SLC36A2: variants seen among roughly 807,000 people sequenced by gnomAD.
The protein encoded by SLC36A2 is proton-coupled amino acid transporter 2.
A neutral mutation model predicts 42.7 loss-of-function variants in SLC36A2; 39 were observed. The observed-to-expected ratio is 0.91, with a 90% confidence interval of 0.71 to 1.19. The LOEUF is 1.19. SLC36A2 is among the 50% of genes most tolerant of loss of function. The pLI is 0.00. For missense variants in SLC36A2, 590 were observed against 613.7 expected (o/e 0.96, Z 0.41); for synonymous variants, 237 against 240.8 (o/e 0.98, Z 0.15).
At chr5:151,319,282 C>CAGACAGATCAAGGAAT in intron 9 of SLC36A2, 1 of 195,504 alleles carries the variant, frequency 5.1e-6, no homozygotes, top group Non-Finnish European at 9.3e-6. Context: ...GGGCAAATTC[C>CAGACAGATCAAGGAAT]TTGATCTGTC....
chr5:151,333,383 G>A, intron 6 of SLC36A2, 61 bp from the exon 7 acceptor site: 3 of 1,401,260 alleles, frequency 2.1e-6, no homozygotes, highest in Non-Finnish European at 3.0e-6. Flanking sequence ...GCTCCTTTAA[G>A]AGAAGGGTAC....
chr5:151,323,289 G>A (rs114845189), intron 8 of SLC36A2, among the ~76,000 whole-genome samples: 1,722 of 110,732 alleles, frequency 0.016, 31 homozygotes, highest in African/African-American at 0.05. Flanking sequence ...ATAAATAAAT[G>A]GGTGTGTGTG....
intron 9 of SLC36A2, 64 bp downstream of exon 9, chr5:151,321,982 T>G: frequency 1.2e-6 from 2 of 1,604,250 alleles, no homozygotes; most frequent in Non-Finnish European, 1.7e-6. Flanking sequence ...CCGGCCCATC[T>G]GGCTGATTCT....
chr5:151,322,123 A>C lies in SLC36A2; in HGVS notation c.1103T>G (p.Phe368Cys). ...FYVPAEIIIPFAISRVSTRWA... is the reference protein window; with the variant it reads ...FYVPAEIIIPCAISRVSTRWA... ...GCGTGTTGACACCCGGGAGATGGCA[A>C]AGGGGATGATGATTTCTGCAGGGAC... is the stretch of plus-strand genomic sequence containing the variant. The change falls in exon 9 of 10, where the codon TTT becomes TGT. Residue 368 changes from phenylalanine to cysteine, a missense_variant. Phe to Cys is a radical substitution (Grantham distance 205, BLOSUM62 -2). Coordinates refer to ENST00000335244, the MANE Select transcript of SLC36A2 (RefSeq NM_181776.3). The C allele has an allele frequency of 6.2e-7, 1 of 1,614,156 alleles. No homozygotes were observed. Among genetic ancestry groups the C allele is most frequent in the African/African-American group, 1.3e-5 (1 of 75,052 alleles).
intron 9 of SLC36A2, among the ~76,000 whole-genome samples, chr5:151,317,694 AAAC>A (rs1236329927): frequency 6.6e-6 from 1 of 152,174 alleles, no homozygotes; most frequent in Non-Finnish European, 1.5e-5. Flanking sequence ...CCCCATCTCA[AAAC>A]AACAATAACA....
rs77227170 is a variant in SLC36A2, at chr5:151,342,736, G to A, written c.440+152C>T. ...TAGAGATACACAAGAAGTGGGGGTT[G>A]ATCAGGGATGTTGCCAATGAACCCC... On this transcript the variant is annotated intron_variant, in intron 4 of 9. Transcript: ENST00000335244. 5,917 of 675,686 alleles carry A rather than the reference G, an allele frequency of 8.8e-3. 270 individuals are homozygous for A. The East Asian group carries it at 0.097, about 11-fold the overall frequency. The allele number at this position is 675,686 out of a possible 1,614,324, so 41.9% of individuals were successfully genotyped here. A position where few individuals can be genotyped will look rare whatever the true frequency, so the allele number is the denominator to read the frequency against.
Position 151,316,706 on chromosome 5 carries a change from C to T in SLC36A2, c.*111G>A. The T allele has an allele frequency of 7.5e-7, 1 of 1,341,850 alleles. No individual in the cohort carries two copies. Among genetic ancestry groups the T allele is most frequent in the Non-Finnish European group, 1.0e-6 (1 of 992,008 alleles). 83.1% of individuals were successfully genotyped at this position (1,341,850 alleles called of 1,614,324 possible). A position where few individuals can be genotyped will look rare whatever the true frequency, so the allele number is the denominator to read the frequency against. ...GGTGAGCTGAGATCGCATCATTGTA[C>T]TCCAGTCTGGGCAACAAGACAGAAA... On this transcript the variant is annotated 3_prime_UTR_variant, in exon 10 of 10. Coordinates refer to ENST00000335244, the MANE Select transcript of SLC36A2 (RefSeq NM_181776.3).
intron 7 of SLC36A2, among the ~76,000 whole-genome samples, chr5:151,327,750 C>CT (rs1755892274): frequency 6.6e-6 from 1 of 152,146 alleles, no homozygotes; most frequent in Non-Finnish European, 1.5e-5. Context: ...GGCTTCCTTT[C>CT]TTTCTCTCTC....
Position 151,325,316 on chromosome 5 carries a change from G to A in SLC36A2, c.980C>T (p.Ala327Val), listed in dbSNP as rs1357908108. ...GTTAGGCAGGTTAAGGCTTATGCTG[G>A]CCTTGATGTCATCTCCAAACCGCAG... ...GYLRFGDDIKASISLNLPNCW... is the reference protein window; with the variant it reads ...GYLRFGDDIKVSISLNLPNCW... The change falls in exon 8 of 10, where the codon GCC becomes GTC. Residue 327 changes from alanine to valine, a missense_variant. By Grantham distance (64) the Ala-to-Val change is moderately conservative. Transcript: ENST00000335244. 1 of 1,613,782 alleles carries A rather than the reference G, an allele frequency of 6.2e-7. No homozygotes were observed. Among genetic ancestry groups the A allele is most frequent in the Non-Finnish European group, 8.5e-7 (1 of 1,179,866 alleles).
chr5:151,330,979 T>G (rs997126026), intron 7 of SLC36A2, among the ~76,000 whole-genome samples: 1 of 152,184 alleles, frequency 6.6e-6, no homozygotes, highest in East Asian at 1.9e-4. Flanking sequence ...GGCATAATGG[T>G]AGACTTATGA....
intron 9 of SLC36A2, among the ~76,000 whole-genome samples, chr5:151,320,257 G>A (rs1755646114): frequency 6.6e-6 from 1 of 152,098 alleles, no homozygotes; most frequent in Admixed American, 6.6e-5. Flanking sequence ...CTAATGGTTA[G>A]AATAATGAAT....
At chr5:151,321,810 T>C in intron 9 of SLC36A2, 1 of 468,374 alleles carries the variant, frequency 2.1e-6, no homozygotes, top group Admixed American at 3.0e-5. Flanking sequence ...CTTGAGTAGC[T>C]GGGATTACAG....
chr5:151,344,069 G>T, intron 2 of SLC36A2, 108 bp downstream of exon 2: 1 of 1,001,020 alleles, frequency 1.0e-6, no homozygotes, highest in Non-Finnish European at 1.5e-6. Flanking sequence ...GCACCAAGCT[G>T]TGTCCCAGAA....
At chr5:151,345,621 A>G (rs1756471196) in intron 1 of SLC36A2, among the ~76,000 whole-genome samples, 2 of 152,168 alleles carry the variant, frequency 1.3e-5, no homozygotes, top group Non-Finnish European at 2.9e-5. Flanking sequence ...ACCGAGCACT[A>G]CACCCTACTC....
intron 7 of SLC36A2, among the ~76,000 whole-genome samples, chr5:151,329,845 G>A (rs182201827): frequency 2.2e-4 from 33 of 152,244 alleles, no homozygotes; most frequent in Admixed American, 4.6e-4. Context: ...TTTGAACCGC[G>A]CAGGCCCTCA....
chr5:151,347,144 T>A (rs1756518122), intron 1 of SLC36A2, among the ~76,000 whole-genome samples, 153 bp downstream of exon 1: 1 of 152,206 alleles, frequency 6.6e-6, no homozygotes, highest in Non-Finnish European at 1.5e-5. Context: ...TACTTCTGCC[T>A]CAGCTTGACT....
intron 7 of SLC36A2, 87 bp downstream of exon 7, chr5:151,333,137 G>T: frequency 8.2e-7 from 1 of 1,223,348 alleles, no homozygotes; most frequent in Non-Finnish European, 1.2e-6. Flanking sequence ...AATGGCCAGC[G>T]GGACACAGAA....
chr5:151,317,048 G>A lies in SLC36A2; in HGVS notation c.1221C>T (p.Ile407=), dbSNP rs61737609. The part of the protein sequence containing the change: ...AILIPRLDLV[I]SLVGSVSGTA... ...TGCCACTCACGGAGCCCACCAGGGAGATGACCAGGTCCAGGCGGGGGATGA... is the reference window on the plus strand; with the variant it reads ...TGCCACTCACGGAGCCCACCAGGGAAATGACCAGGTCCAGGCGGGGGATGA... The change falls in exon 10 of 10, where the codon ATC becomes ATT. Residue 407 remains isoleucine (I), a synonymous_variant. Transcript: ENST00000335244. 0.021 allele frequency: 33,877 copies of A among 1,614,088 alleles called. 420 individuals are homozygous for A. The highest frequency in any genetic ancestry group is 0.025 in the Non-Finnish European group (29,534 of 1,179,978).
intron 8 of SLC36A2, among the ~76,000 whole-genome samples, chr5:151,322,772 G>A (rs1383011039): frequency 1.3e-5 from 2 of 152,196 alleles, no homozygotes; most frequent in African/African-American, 4.8e-5. Flanking sequence ...GGGAGTCAGG[G>A]TGGAATATAA....
Sources: allele counts gnomAD v4.1 joint callset (sites outside exome capture counted in the v4.1 genomes callset), GRCh38; gene constraint gnomAD v4.1.1; transcripts MANE v1.5; gene names NCBI Gene and HGNC (gene_info 2026-07-23, HGNC 2026-07-21).